The following ZNF236 variants were observed in gnomAD, a reference collection of about 807,000 sequenced individuals.
The protein encoded by ZNF236 is zinc finger protein 236.
A neutral mutation model predicts 191.2 loss-of-function variants in ZNF236; 50 were observed. The ratio of observed to expected loss-of-function variants is 0.26; its 90% CI spans 0.21 to 0.33. ZNF236 has a LOEUF of 0.33. Ranked by LOEUF, ZNF236 falls within the 10% of genes least tolerant of loss-of-function variation. The pLI, the probability that ZNF236 is intolerant of heterozygous loss-of-function variation, is 1.00. For missense variants in ZNF236, 1,754 were observed against 2,374.5 expected (o/e 0.74, Z 5.43); for synonymous variants, 907 against 928.8 (o/e 0.98, Z 0.43).
At chr18:76,849,713 TGGA>T (rs1975800961) in intron 2 of ZNF236, 45 bp downstream of exon 2, 1 of 1,427,454 alleles carries the variant, frequency 7.0e-7, no homozygotes, top group Non-Finnish European at 9.2e-7. Context: ...GCGTTGAAAC[TGGA>T]GGTATTGTAA....
In ZNF236 at chr18:76,923,692, C is replaced by T. The variant is rs181284890; in HGVS notation, c.3661+518C>T. On this transcript the variant is annotated intron_variant, in intron 21 of 30. Transcript: ENST00000320610. ...CCTAGCGGTGGGGAGGCTGCCTCTG[C>T]CTCTGCCTGCTTGGGAATCCTGTAG... is the stretch of plus-strand genomic sequence containing the variant. 1.1e-4 allele frequency among the ~76,000 whole-genome samples: 16 copies of T among 152,236 alleles called. No homozygotes were observed. The East Asian group carries it at 2.9e-3, about 28-fold the overall frequency.
intron 3 of ZNF236, among the ~76,000 whole-genome samples, chr18:76,861,486 T>A (rs1230304535): frequency 6.6e-6 from 1 of 152,230 alleles, no homozygotes; most frequent in Non-Finnish European, 1.5e-5. Context: ...TGATTAGCTG[T>A]ATGCTCAGCC....
chr18:76,831,873 A>G (rs1170431890), intron 1 of ZNF236, among the ~76,000 whole-genome samples: 1 of 152,046 alleles, frequency 6.6e-6, no homozygotes, highest in Non-Finnish European at 1.5e-5. Flanking sequence ...ATGCCGTTTT[A>G]TTACTGATTT....
chr18:76,910,051 T>C lies in ZNF236; in HGVS notation c.2552-17T>C. On this transcript the variant is annotated splice_polypyrimidine_tract_variant and intron_variant, in intron 14 of 30. Coordinates refer to ENST00000320610, the MANE Select transcript of ZNF236 (RefSeq NM_001306089.2). ...TTCCAAATGTATGCGTCCCCCTTTTTTACATCTCATCCTCAGATGGGTTTG... is the reference window on the plus strand; with the variant it reads ...TTCCAAATGTATGCGTCCCCCTTTTCTACATCTCATCCTCAGATGGGTTTG... The C allele has an allele frequency of 6.3e-7, 1 of 1,596,172 alleles. No homozygotes were observed. Among genetic ancestry groups the C allele is most frequent in the Non-Finnish European group, 8.6e-7 (1 of 1,166,156 alleles).
chr18:76,831,979 C>A (rs1427143880), intron 1 of ZNF236, among the ~76,000 whole-genome samples: 4 of 152,278 alleles, frequency 2.6e-5, no homozygotes, highest in African/African-American at 7.2e-5. Flanking sequence ...TTCTTAATAA[C>A]AATTTGTCAG....
chr18:76,868,555 G>C (rs1276830518), intron 3 of ZNF236, 130 bp from the exon 4 acceptor site: 2 of 647,966 alleles, frequency 3.1e-6, no homozygotes, highest in Non-Finnish European at 4.9e-6. Context: ...GAAAGTATTA[G>C]ATCAAAATCA....
chr18:76,851,101 G>A (rs1307840882), intron 2 of ZNF236, among the ~76,000 whole-genome samples: 2 of 91,514 alleles, frequency 2.2e-5, no homozygotes, highest in Non-Finnish European at 5.0e-5. Context: ...GACAGAAAAT[G>A]TTTGGAAGAA....
At chr18:76,957,656 G>GCTCCTCTCCCTC (rs2122954842) in intron 28 of ZNF236, among the ~76,000 whole-genome samples, 1 of 152,156 alleles carries the variant, frequency 6.6e-6, no homozygotes, top group South Asian at 2.1e-4. Context: ...AATTTTTCCT[G>GCTCCTCTCCCTC]CTCCTCTCCC....
At position 76,928,258 on chromosome 18, in the gene ZNF236, T is replaced by C. The variant is rs536713312; in HGVS notation, c.4594+152T>C. 1.0e-5 allele frequency: 6 copies of C among 582,758 alleles called. No individual in the cohort carries two copies. The South Asian group carries it at 3.6e-4, about 35-fold the overall frequency. 36.1% of individuals were successfully genotyped at this position (582,758 alleles called of 1,614,324 possible). ...GGGAGAAATTGAAGTTTAGTGAAAA[T>C]AATGTATTCTAATTCAGATCTGGCA... On this transcript the variant is annotated intron_variant, in intron 25 of 30. Coordinates refer to ENST00000320610, the MANE Select transcript of ZNF236 (RefSeq NM_001306089.2).
rs761465193 is a variant in ZNF236, at chr18:76,919,929, A to G, written c.3428A>G (p.Gln1143Arg). ...ACGGTGTCAGAGAAGGTCCTGGTGC[A>G]GTCCGCGGCAGAAAAGGACCGCATC... ...SATVSEKVLV[Q>R]SAAEKDRISE... The change falls in exon 20 of 31, where the codon CAG becomes CGG. Residue 1143 changes from glutamine to arginine, a missense_variant. Physicochemically the swap from Gln to Arg is conservative, Grantham distance 43. Coordinates refer to ENST00000320610, the MANE Select transcript of ZNF236 (RefSeq NM_001306089.2). The surrounding 1 kb of genome is among the most constrained non-coding windows in gnomAD (Gnocchi z 5.3). 12 of 1,614,088 alleles carry G rather than the reference A, an allele frequency of 7.4e-6. No individual in the cohort carries two copies.
At chr18:76,879,738 A>G (rs1976824001) in intron 7 of ZNF236, among the ~76,000 whole-genome samples, 1 of 152,126 alleles carries the variant, frequency 6.6e-6, no homozygotes, top group Non-Finnish European at 1.5e-5. Flanking sequence ...AAATGTGTTG[A>G]ATTATTTTGA....
intron 9 of ZNF236, among the ~76,000 whole-genome samples, chr18:76,884,400 CAA>C (rs58881647): frequency 2.6e-4 from 24 of 92,918 alleles, no homozygotes; most frequent in Admixed American, 5.0e-4. Context: ...GACTCCATCT[CAA>C]AAAAAAAAAA....
At chr18:76,959,937 G>A in intron 29 of ZNF236, 121 bp downstream of exon 29, 1 of 1,194,110 alleles carries the variant, frequency 8.4e-7, no homozygotes, top group South Asian at 1.7e-5. Context: ...ATAAAGCAAG[G>A]TCCACATGTT....
intron 1 of ZNF236, among the ~76,000 whole-genome samples, chr18:76,833,042 G>C (rs1359763086): frequency 6.6e-6 from 1 of 151,620 alleles, no homozygotes; most frequent in Non-Finnish European, 1.5e-5. Context: ...AAATACAATT[G>C]GTTTTTAAAA....
intron 1 of ZNF236, among the ~76,000 whole-genome samples, chr18:76,826,405 TGAGCTACCGCG>T (rs1412961390): frequency 2.0e-5 from 3 of 149,790 alleles, no homozygotes; most frequent in Non-Finnish European, 4.4e-5. Context: ...ATTATAGGCG[TGAGCTACCGCG>T]ACCGGCCTGG....
chr18:76,910,304 C>G, intron 15 of ZNF236, 135 bp downstream of exon 15: 1 of 754,614 alleles, frequency 1.3e-6, no homozygotes, highest in Non-Finnish European at 2.0e-6. Flanking sequence ...TTTTTGCATG[C>G]ATTGTAGATT....
chr18:76,971,890 T>A lies in ZNF236; in HGVS notation c.*3551T>A, dbSNP rs1350620116. Reference sequence around the variant, plus strand: ...GGCTATCTCATGCCTGCTTCTTACATTTTTTTCTGAAGCTTATTTCAGAAT... The same window carrying A: ...GGCTATCTCATGCCTGCTTCTTACAATTTTTTCTGAAGCTTATTTCAGAAT... On this transcript the variant is annotated 3_prime_UTR_variant, in exon 31 of 31. Coordinates refer to ENST00000320610, the MANE Select transcript of ZNF236 (RefSeq NM_001306089.2). Among the ~76,000 whole-genome samples the A allele has an allele frequency of 6.6e-6, 1 of 152,214 alleles. No individual in the cohort carries two copies. Among genetic ancestry groups the A allele is most frequent in the Non-Finnish European group, 1.5e-5 (1 of 68,042 alleles).
chr18:76,907,830 G>T (rs1187586189), intron 13 of ZNF236, among the ~76,000 whole-genome samples: 2 of 152,000 alleles, frequency 1.3e-5, no homozygotes, highest in Non-Finnish European at 2.9e-5. Flanking sequence ...GCAACATTTG[G>T]ATCGTTGGTC....
intron 3 of ZNF236, among the ~76,000 whole-genome samples, chr18:76,861,115 T>C (rs1022464788): frequency 6.6e-6 from 1 of 152,216 alleles, no homozygotes; most frequent in Non-Finnish European, 1.5e-5. Context: ...AAAGGCCTCA[T>C]TGTGCTTGTT....
Sources: allele counts gnomAD v4.1 joint callset (sites outside exome capture counted in the v4.1 genomes callset), GRCh38; gene constraint gnomAD v4.1.1; non-coding constraint Gnocchi (gnomAD v3.1); transcripts MANE v1.5; gene names NCBI Gene and HGNC (gene_info 2026-07-23, HGNC 2026-07-21).